NRG3: variants seen among roughly 807,000 people sequenced by gnomAD.
NRG3 encodes the protein neuregulin 3.
In NRG3, 31 loss-of-function variants were observed where a neutral mutation model predicts 66.9. The ratio of observed to expected loss-of-function variants is 0.46; its 90% CI spans 0.35 to 0.63. NRG3 has a LOEUF of 0.63. NRG3 is among the 20% of genes least tolerant of loss of function. The probability of loss-of-function intolerance (pLI) is 0.00; values close to 1 mark genes in which losing one functional copy is unlikely to be tolerated. For missense variants in NRG3, 910 were observed against 878.9 expected, an observed-to-expected ratio of 1.04 and a Z score of -0.45; for synonymous variants, 393 against 359.4, an observed-to-expected ratio of 1.09 and a Z score of -1.06.
At chr10:82,822,503 G>T (rs536357275) in intron 3 of NRG3, among the ~76,000 whole-genome samples, 1 of 152,132 alleles carries the variant, frequency 6.6e-6, no homozygotes, top group African/African-American at 2.4e-5. Flanking sequence ...GAGGATCTCT[G>T]GGGTCATAAC....
At chr10:82,320,689 C>T (rs576966563) in intron 1 of NRG3, among the ~76,000 whole-genome samples, 1 of 152,186 alleles carries the variant, frequency 6.6e-6, no homozygotes, top group African/African-American at 2.4e-5. Flanking sequence ...GACAGAGGTC[C>T]AAGTTCCCTG....
chr10:82,123,487 G>C (rs2068224527), intron 1 of NRG3, among the ~76,000 whole-genome samples: 1 of 152,228 alleles, frequency 6.6e-6, no homozygotes, highest in Non-Finnish European at 1.5e-5. Context: ...CCTGCTTACT[G>C]TTTGGCAAAC....
chr10:82,486,741 C>T (rs1842710966), intron 2 of NRG3, among the ~76,000 whole-genome samples: 1 of 152,116 alleles, frequency 6.6e-6, no homozygotes, highest in African/African-American at 2.4e-5. Flanking sequence ...ATCATTCAGC[C>T]ATAAGAATGG....
chr10:82,517,484 G>A (rs1053058093), intron 2 of NRG3, among the ~76,000 whole-genome samples: 3 of 152,024 alleles, frequency 2.0e-5, no homozygotes, highest in Admixed American at 1.3e-4. Context: ...CTAAAATTGC[G>A]GCTGTAGTCA....
chr10:82,014,288 A>T (rs1010017270), intron 1 of NRG3, among the ~76,000 whole-genome samples: 2 of 152,166 alleles, frequency 1.3e-5, no homozygotes, highest in African/African-American at 4.8e-5. Flanking sequence ...TCTGTGATAG[A>T]GGTACTGTGA....
intron 3 of NRG3, among the ~76,000 whole-genome samples, chr10:82,788,016 T>C (rs2135346560): frequency 6.6e-6 from 1 of 152,270 alleles, no homozygotes; most frequent in South Asian, 2.1e-4. Context: ...CCTTTATGAG[T>C]TTTAAGAATA....
chr10:82,040,755 A>G (rs1247836146), intron 1 of NRG3, among the ~76,000 whole-genome samples: 2 of 152,036 alleles, frequency 1.3e-5, no homozygotes, highest in Non-Finnish European at 2.9e-5. Flanking sequence ...TCTGTCCACT[A>G]CATTAACCTG....
intron 4 of NRG3, among the ~76,000 whole-genome samples, chr10:82,943,639 G>T (rs1443639096): frequency 2.0e-5 from 3 of 152,090 alleles, no homozygotes; most frequent in Non-Finnish European, 2.9e-5. Flanking sequence ...CCAGAAGATG[G>T]GATGGTGCCT....
At chr10:82,811,317 G>C (rs752689398) in intron 3 of NRG3, among the ~76,000 whole-genome samples, 2 of 152,158 alleles carry the variant, frequency 1.3e-5, no homozygotes, top group Non-Finnish European at 2.9e-5. Flanking sequence ...GCCTACTTCT[G>C]TATCCATTAA....
chr10:82,207,313 A>G (rs1275689812), intron 1 of NRG3, among the ~76,000 whole-genome samples: 1 of 152,106 alleles, frequency 6.6e-6, no homozygotes, highest in Non-Finnish European at 1.5e-5. Flanking sequence ...AAGGGAAAAT[A>G]TATATTTATT....
intron 1 of NRG3, among the ~76,000 whole-genome samples, chr10:82,081,286 A>T (rs1486103969): frequency 1.3e-5 from 2 of 152,218 alleles, no homozygotes; most frequent in African/African-American, 2.4e-5. Context: ...TGATGGAATT[A>T]TCTGTTGCAG....
chr10:82,971,298 A>G (rs994146119), intron 6 of NRG3, among the ~76,000 whole-genome samples: 2 of 152,186 alleles, frequency 1.3e-5, no homozygotes, highest in Admixed American at 1.3e-4. Context: ...TCTCTTTATC[A>G]AAATCTAAAA....
chr10:82,131,652 A>G (rs2068830097), intron 1 of NRG3, among the ~76,000 whole-genome samples: 1 of 152,076 alleles, frequency 6.6e-6, no homozygotes, highest in African/African-American at 2.4e-5. Context: ...AACAATACTG[A>G]TTCTTGCAAT....
At chr10:82,151,006 A>G (rs2070704886) in intron 1 of NRG3, among the ~76,000 whole-genome samples, 1 of 152,206 alleles carries the variant, frequency 6.6e-6, no homozygotes, top group South Asian at 2.1e-4. Context: ...CATGTACAGA[A>G]AGCCTGGATA....
chr10:82,540,549 A>G (rs932462989), intron 2 of NRG3, among the ~76,000 whole-genome samples: 1 of 151,764 alleles, frequency 6.6e-6, no homozygotes, highest in African/African-American at 2.4e-5. Context: ...TGAATGTTGG[A>G]TGGCAGGCAG....
chr10:82,217,596 C>T lies in NRG3; in HGVS notation c.824-141143C>T, dbSNP rs141075900. On this transcript the variant is annotated intron_variant, in intron 1 of 8. Coordinates refer to ENST00000372141, the MANE Select transcript of NRG3 (RefSeq NM_001010848.4). ...AAAATGTAAAATACAACATTTTTCT[C>T]GTAGAATTATTGTGATAATTCAAGA... 4.8e-3 allele frequency among the ~76,000 whole-genome samples: 723 copies of T among 152,174 alleles called. 3 individuals carry two copies. Among genetic ancestry groups the T allele is most frequent in the African/African-American group, 0.016 (682 of 41,508 alleles).
chr10:82,680,050 A>G (rs746673761), intron 2 of NRG3, among the ~76,000 whole-genome samples: 1 of 152,216 alleles, frequency 6.6e-6, no homozygotes, highest in Non-Finnish European at 1.5e-5. Context: ...AGCATTATCC[A>G]TGTAGCTAGT....
intron 2 of NRG3, among the ~76,000 whole-genome samples, chr10:82,537,848 C>A (rs1251534162): frequency 6.6e-6 from 1 of 152,062 alleles, no homozygotes; most frequent in Admixed American, 6.6e-5. Context: ...GTATGAAAAT[C>A]TCTTCTAATT....
rs1377975072 is a variant in NRG3, at chr10:82,048,292, A to G, written c.823+172129A>G. The stretch of plus-strand genomic sequence containing the variant: ...ACTCTCCACCCCAAATCAACAGAAT[A>G]TACATTTTTTTCAGCACCACACCAC... On this transcript the variant is annotated intron_variant, in intron 1 of 8. Coordinates refer to ENST00000372141, the MANE Select transcript of NRG3 (RefSeq NM_001010848.4). Among the ~76,000 whole-genome samples, 8 of 151,712 alleles carry G rather than the reference A, an allele frequency of 5.3e-5. No individual in the cohort carries two copies. The East Asian group carries it at 1.2e-3, about 22-fold the overall frequency.
Sources: gnomAD v4.1 joint callset for allele counts (sites outside exome capture counted in the v4.1 genomes callset) on GRCh38, gnomAD v4.1.1 for gene constraint, MANE v1.5 for transcripts, NCBI Gene and HGNC (gene_info 2026-07-23, HGNC 2026-07-21) for gene names.